The following CDCA8 variants were observed in gnomAD, a reference collection of about 807,000 sequenced individuals.
The protein encoded by CDCA8 is cell division cycle associated 8.
A neutral mutation model predicts 40.0 loss-of-function variants in CDCA8; 25 were observed. That is an observed-to-expected ratio of 0.63 (90% CI 0.46 to 0.87). The LOEUF is 0.87. CDCA8 is among the 40% of genes least tolerant of loss of function. CDCA8 has a pLI of 0.00. For synonymous variants in CDCA8, 111 were observed against 126.5 expected (o/e 0.88, Z 0.82); for missense variants, 280 against 348.4 (o/e 0.80, Z 1.56).
chr1:37,692,571 G>A lies in CDCA8; in HGVS notation c.-120G>A, dbSNP rs1445822283. On this transcript the variant is annotated 5_prime_UTR_variant, in exon 1 of 10. Coordinates refer to ENST00000373055, the MANE Select transcript of CDCA8 (RefSeq NM_001256875.2). ...AGGTTTTGCTCAGCCCTTGTCTCGG[G>A]ACCGCAGGTACGTGCCTGGCGACTT... The A allele has an allele frequency of 3.9e-6, 3 of 769,280 alleles. No homozygotes were observed. Among genetic ancestry groups the A allele is most frequent in the African/African-American group, 3.5e-5 (2 of 57,870 alleles). The allele number at this position is 769,280 out of a possible 1,614,324, so 47.7% of individuals were successfully genotyped here.
intron 7 of CDCA8, 50 bp from the exon 8 acceptor site, chr1:37,705,391 T>C: frequency 6.3e-7 from 1 of 1,593,738 alleles, no homozygotes; most frequent in Non-Finnish European, 8.6e-7. Flanking sequence ...CTATAGAGTT[T>C]GGTGTCATCC....
At position 37,708,548 on chromosome 1, in the gene CDCA8, C is replaced by G; in HGVS notation, c.*182C>G. 1 of 620,850 alleles carries G rather than the reference C, an allele frequency of 1.6e-6. No individual in the cohort carries two copies. The allele number at this position is 620,850 out of a possible 1,614,324, so 38.5% of individuals were successfully genotyped here. ...AGTTAGGTAGAGCTGTCTGTTCACC[C>G]TCCCATCCCAGCTGATCCCAGTCAC... On this transcript the variant is annotated 3_prime_UTR_variant, in exon 10 of 10. Transcript: ENST00000373055.
chr1:37,699,148 TC>T (rs1254703846), intron 4 of CDCA8, among the ~76,000 whole-genome samples, 171 bp downstream of exon 4: 1 of 152,062 alleles, frequency 6.6e-6, no homozygotes, highest in Non-Finnish European at 1.5e-5. Flanking sequence ...TAATTTTTTT[TC>T]CCCCGAACAG....
At chr1:37,701,674 A>T (rs1570280522) in intron 5 of CDCA8, 80 bp from the exon 6 acceptor site, 57 of 280,270 alleles carry the variant, frequency 2.0e-4, no homozygotes, top group South Asian at 3.1e-4. Context: ...TTAATGCTTT[A>T]AAAAAAAAAA....
At chr1:37,704,024 G>A (rs191752413) in intron 7 of CDCA8, among the ~76,000 whole-genome samples, 2 of 152,202 alleles carry the variant, frequency 1.3e-5, no homozygotes, top group African/African-American at 4.8e-5. Context: ...CACAATCACG[G>A]CTCACTGCAA....
At chr1:37,703,128 G>A (rs114893558) in intron 6 of CDCA8, 124 bp from the exon 7 acceptor site, 14,199 of 753,520 alleles carry the variant, frequency 0.019, 183 homozygotes, top group Non-Finnish European at 0.027. Context: ...AGGGTCACGT[G>A]AGTCGATGTG....
rs893009744 is a variant in CDCA8 at position 37,692,522 on chromosome 1, C to G, written c.-169C>G. On this transcript the variant is annotated 5_prime_UTR_variant, in exon 1 of 10. Coordinates refer to ENST00000373055, the MANE Select transcript of CDCA8 (RefSeq NM_001256875.2). ...AATTGGGTGGCGGTTGACTGTAGAGCCGCTCTCTCTCACTGGCACAGCGAG... is the reference window on the plus strand; with the variant it reads ...AATTGGGTGGCGGTTGACTGTAGAGGCGCTCTCTCTCACTGGCACAGCGAG... 15 of 626,406 alleles carry G rather than the reference C, an allele frequency of 2.4e-5. No individual in the cohort carries two copies. Among genetic ancestry groups the G allele is most frequent in the Non-Finnish European group, 4.1e-5 (14 of 343,790 alleles). 38.8% of individuals were successfully genotyped at this position (626,406 alleles called of 1,614,324 possible).
chr1:37,695,531 G>C (rs1645521065), intron 2 of CDCA8, among the ~76,000 whole-genome samples: 1 of 151,998 alleles, frequency 6.6e-6, no homozygotes, highest in Admixed American at 6.5e-5. Context: ...AGACAGCCAA[G>C]GAGGCGCCAC....
At chr1:37,704,949 G>A (rs1305537242) in intron 7 of CDCA8, among the ~76,000 whole-genome samples, 1 of 152,146 alleles carries the variant, frequency 6.6e-6, no homozygotes, top group South Asian at 2.1e-4. Flanking sequence ...CACTCAGCCA[G>A]TTCCCACTTT....
At chr1:37,701,174 G>T (rs1189112738) in intron 5 of CDCA8, among the ~76,000 whole-genome samples, 1 of 152,166 alleles carries the variant, frequency 6.6e-6, no homozygotes, top group Non-Finnish European at 1.5e-5. Context: ...CAGATCTTTA[G>T]GTGTTTGTCC....
chr1:37,704,838 G>A (rs931587653), intron 7 of CDCA8, among the ~76,000 whole-genome samples: 1 of 151,966 alleles, frequency 6.6e-6, no homozygotes, highest in Non-Finnish European at 1.5e-5. Context: ...AATAGAGACA[G>A]GATTTTGCCA....
intron 8 of CDCA8, 78 bp from the exon 9 acceptor site, chr1:37,706,900 G>A (rs1557519669): frequency 1.9e-6 from 2 of 1,076,140 alleles, no homozygotes; most frequent in African/African-American, 1.6e-5. Context: ...CCACCACTAA[G>A]TGCAGGATAT....
intron 8 of CDCA8, among the ~76,000 whole-genome samples, chr1:37,706,241 G>A (rs1340279342): frequency 1.3e-5 from 2 of 152,012 alleles, no homozygotes; most frequent in African/African-American, 4.8e-5. Context: ...CTGAGTAACT[G>A]GGACTACAGG....
In CDCA8 at chr1:37,696,031, G is replaced by A. The variant is rs982277950; in HGVS notation, c.264+81G>A. On this transcript the variant is annotated intron_variant, in intron 3 of 9. Transcript: ENST00000373055. This position sits in a 1 kb window ranked among gnomAD's most constrained non-coding sequence, Gnocchi z 5.0. ...CAGATCCAACTAATAGATGCTTACTGTGGAAGAGGTTTCATAAAGGGACAT... is the reference window on the plus strand; with the variant it reads ...CAGATCCAACTAATAGATGCTTACTATGGAAGAGGTTTCATAAAGGGACAT... 2 of 1,206,738 alleles carry A rather than the reference G, an allele frequency of 1.7e-6. No individual in the cohort carries two copies. Among genetic ancestry groups the A allele is most frequent in the Non-Finnish European group, 2.4e-6 (2 of 822,478 alleles). The allele number at this position is 1,206,738 out of a possible 1,614,324, so 74.8% of individuals were successfully genotyped here. A position where few individuals can be genotyped will look rare whatever the true frequency, so the allele number is the denominator to read the frequency against.
chr1:37,700,514 C>T lies in CDCA8; in HGVS notation c.416C>T (p.Thr139Ile). ...EEENERKNLQ[T>I]ARVKRCPPSK... is the part of the protein sequence containing the mutation. The stretch of plus-strand genomic sequence containing the variant: ...GAAAATGAACGTAAGAATCTTCAAA[C>T]TGCAAGAGTAAGTGGACACTGAGGT... Residue 139 changes from threonine to isoleucine, a missense_variant, in exon 5 of 10, where the codon ACT becomes ATT. Coordinates refer to ENST00000373055, the MANE Select transcript of CDCA8 (RefSeq NM_001256875.2). 1 of 1,600,464 alleles carries T rather than the reference C, an allele frequency of 6.2e-7. No homozygotes were observed. The highest frequency in any genetic ancestry group is 8.6e-7 in the Non-Finnish European group (1 of 1,167,674).
In CDCA8 at chr1:37,700,419, G is replaced by T; in HGVS notation, c.338-17G>T. The T allele has an allele frequency of 6.7e-7, 1 of 1,501,126 alleles. No homozygotes were observed. The highest frequency in any genetic ancestry group is 1.1e-5 in the South Asian group (1 of 88,042). 93.0% of individuals were successfully genotyped at this position (1,501,126 alleles called of 1,614,324 possible). Reference sequence around the variant, plus strand: ...TTTTCATCAGAAATACCACCCTGTTGAAACTGTTTCTTACAGCACGAAAGG... The same window carrying T: ...TTTTCATCAGAAATACCACCCTGTTTAAACTGTTTCTTACAGCACGAAAGG... On this transcript the variant is annotated splice_polypyrimidine_tract_variant and intron_variant, in intron 4 of 9. Coordinates refer to ENST00000373055, the MANE Select transcript of CDCA8 (RefSeq NM_001256875.2).
intron 4 of CDCA8, among the ~76,000 whole-genome samples, 154 bp from the exon 5 acceptor site, chr1:37,700,282 G>A (rs901492853): frequency 3.3e-5 from 5 of 152,148 alleles, no homozygotes; most frequent in Non-Finnish European, 5.9e-5. Context: ...AGTTTCCTTT[G>A]TCTAAACCCT....
At chr1:37,695,536 C>T (rs908731151) in intron 2 of CDCA8, among the ~76,000 whole-genome samples, 4 of 151,826 alleles carry the variant, frequency 2.6e-5, no homozygotes, top group African/African-American at 4.8e-5. Context: ...GCCAAGGAGG[C>T]GCCACTCCAC....
At chr1:37,693,876 G>A (rs1018417061) in intron 2 of CDCA8, among the ~76,000 whole-genome samples, 40 of 151,586 alleles carry the variant, frequency 2.6e-4, no homozygotes, top group African/African-American at 9.7e-4. Flanking sequence ...GGTGGCTCAC[G>A]CCTGTAATCC....
Sources: allele counts gnomAD v4.1 joint callset (sites outside exome capture counted in the v4.1 genomes callset), GRCh38; gene constraint gnomAD v4.1.1; non-coding constraint Gnocchi (gnomAD v3.1); transcripts MANE v1.5; gene names NCBI Gene and HGNC (gene_info 2026-07-23, HGNC 2026-07-21).